The following TRRAP variants were observed in gnomAD, a reference collection of about 807,000 sequenced individuals.
TRRAP encodes the protein transformation/transcription domain-associated protein.
TRRAP carries 41 observed loss-of-function variants against 438.8 expected under a neutral mutation model. The observed-to-expected ratio is 0.09, with a 90% CI of 0.07 to 0.12. The LOEUF (loss-of-function observed/expected upper bound fraction) is 0.12, where lower values mean the gene tolerates loss of function less well. Ranked by LOEUF, TRRAP falls within the 10% of genes least tolerant of loss-of-function variation. TRRAP has a pLI of 1.00. For missense variants in TRRAP, 3,122 were observed against 5,055.1 expected, an observed-to-expected ratio of 0.62 and a Z score of 11.60; for synonymous variants, 1,994 against 1,962.9, an observed-to-expected ratio of 1.02 and a Z score of -0.42.
chr7:98,970,154 A>G lies in TRRAP; in HGVS notation c.7555A>G (p.Ser2519Gly), dbSNP rs747518706. The change falls in exon 52 of 73, where the codon AGC becomes GGC. Residue 2519 changes from serine (S) to glycine (G), a missense_variant. Ser to Gly is a moderately conservative substitution (Grantham distance 56). Around this residue, in one of 24 missense-constraint regions of TRRAP, gnomAD observed 992 missense variants for 1,281.2 expected, o/e 0.77. Transcript: ENST00000456197. ...VCEKSTPIGTSCQGAMLPSIT... is the reference protein window; with the variant it reads ...VCEKSTPIGTGCQGAMLPSIT... The stretch of plus-strand genomic sequence containing the variant: ...TGAGAAGAGCACCCCCATTGGCACC[A>G]GCTGCCAAGGAGCCATGCTCCCGTC... 2.5e-6 allele frequency: 4 copies of G among 1,613,934 alleles called. No individual in the cohort carries two copies. Among genetic ancestry groups the G allele is most frequent in the Non-Finnish European group, 2.5e-6 (3 of 1,179,994 alleles).
chr7:98,977,180 G>T, intron 56 of TRRAP, 104 bp downstream of exon 56: 1 of 1,509,672 alleles, frequency 6.6e-7, no homozygotes, highest in African/African-American at 1.4e-5. Flanking sequence ...CTCTTTTTTT[G>T]AGATGGAGTC....
In TRRAP at chr7:98,910,209, C is replaced by T. The variant is rs782524742; in HGVS notation, c.1504C>T (p.Pro502Ser). 14 of 1,577,274 alleles carry T rather than the reference C, an allele frequency of 8.9e-6. No individual in the cohort carries two copies. The highest frequency in any genetic ancestry group is 2.2e-4 in the Middle Eastern group (1 of 4,482). The change falls in exon 15 of 73, where the codon CCT becomes TCT. Residue 502 changes from proline to serine, a missense_variant. By Grantham distance (74) the Pro-to-Ser change is moderately conservative. Transcript: ENST00000456197. ...TCCTGGCCCTGCTCCCTCCCCAGCC[C>T]CTGTCCCTGCCCCACCTCCACCCCC... ...AAPGPAPSPA[P>S]VPAPPPPPPP...
rs896359573 is a variant in TRRAP, at chr7:99,012,416, T to C, written c.*61T>C. 1.3e-6 allele frequency: 2 copies of C among 1,497,682 alleles called. No homozygotes were observed. Among genetic ancestry groups the C allele is most frequent in the Non-Finnish European group, 1.8e-6 (2 of 1,116,716 alleles). 92.8% of individuals were successfully genotyped at this position (1,497,682 alleles called of 1,614,324 possible). A position where few individuals can be genotyped will look rare whatever the true frequency, so the allele number is the denominator to read the frequency against. Reference sequence around the variant, plus strand: ...GCTCCGGGCTCTGAGCCCGCAGCTTTTACGACTTCTCCCTGCCTCGTTCCT... The same window carrying C: ...GCTCCGGGCTCTGAGCCCGCAGCTTCTACGACTTCTCCCTGCCTCGTTCCT... On this transcript the variant is annotated 3_prime_UTR_variant, in exon 73 of 73. Transcript: ENST00000456197. This position sits in a 1 kb window ranked among gnomAD's most constrained non-coding sequence, Gnocchi z 5.9.
intron 69 of TRRAP, 116 bp from the exon 70 acceptor site, chr7:99,008,261 C>A: frequency 2.8e-6 from 3 of 1,085,184 alleles, no homozygotes; most frequent in Non-Finnish European, 4.1e-6. Flanking sequence ...TCCAGCTAAG[C>A]CCCCAAGGCA....
chr7:99,010,835 G>T (rs1416707110), intron 70 of TRRAP, among the ~76,000 whole-genome samples: 2 of 152,346 alleles, frequency 1.3e-5, no homozygotes, highest in East Asian at 3.9e-4. Flanking sequence ...AGCCGCATTG[G>T]TGCTTTAGAG....
intron 43 of TRRAP, among the ~76,000 whole-genome samples, chr7:98,957,274 C>T (rs934912149): frequency 2.6e-5 from 4 of 152,206 alleles, no homozygotes; most frequent in Non-Finnish European, 4.4e-5. Flanking sequence ...TTCTCTCTTT[C>T]GCTGTTCCTC....
At chr7:98,891,801 G>C (rs1234353616) in intron 4 of TRRAP, among the ~76,000 whole-genome samples, 3 of 151,922 alleles carry the variant, frequency 2.0e-5, no homozygotes, top group African/African-American at 7.3e-5. Context: ...TCCTCCCAAA[G>C]TGCTGGGATT....
rs576496651 is a variant in TRRAP at position 98,908,071 on chromosome 7, C to G, written c.1116-657C>G. 6.6e-6 allele frequency among the ~76,000 whole-genome samples: 1 copy of G among 152,340 alleles called. No homozygotes were observed. Among genetic ancestry groups the G allele is most frequent in the Non-Finnish European group, 1.5e-5 (1 of 68,036 alleles). ...CCCCTTTTTGTCCTTAAGATCTCAA[C>G]TTCAGTGCCACCTCAAAGGAACTGT... On this transcript the variant is annotated intron_variant, in intron 13 of 72. Transcript: ENST00000456197. This position sits in a 1 kb window ranked among gnomAD's most constrained non-coding sequence, Gnocchi z 4.1.
rs1399726105 is a variant in TRRAP, at chr7:98,925,143, G to C, written c.2855G>C (p.Ser952Thr). 1.2e-6 allele frequency: 2 copies of C among 1,614,074 alleles called. No individual in the cohort carries two copies. Among genetic ancestry groups the C allele is most frequent in the African/African-American group, 2.7e-5 (2 of 74,934 alleles). ...GAAACTGCTCTGGACTGCCTGAAAA[G>C]CGCCAACACTGAGCCCTACTACCGG... ...AIETALDCLK[S>T]ANTEPYYRRQ... is the part of the protein sequence containing the mutation. The change falls in exon 22 of 73, where the codon AGC becomes ACC. Residue 952 changes from serine to threonine, a missense_variant. Ser to Thr is a moderately conservative substitution (Grantham distance 58). Transcript: ENST00000456197.
chr7:98,960,789 GTA>G (rs1321109671), intron 45 of TRRAP, among the ~76,000 whole-genome samples: 1 of 132,050 alleles, frequency 7.6e-6, no homozygotes, highest in Non-Finnish European at 1.7e-5. Flanking sequence ...GTGTGTGTGT[GTA>G]TTTTTAGTAG....
chr7:98,989,665 G>A (rs774595585), intron 63 of TRRAP, among the ~76,000 whole-genome samples: 3 of 152,214 alleles, frequency 2.0e-5, no homozygotes, highest in Admixed American at 1.3e-4. Flanking sequence ...ACAGCTACAC[G>A]CACTGCTTCA....
chr7:98,981,352 C>T (rs907103262), intron 58 of TRRAP, among the ~76,000 whole-genome samples: 2 of 152,086 alleles, frequency 1.3e-5, no homozygotes, highest in Admixed American at 6.6e-5. Flanking sequence ...CAGTGAGCCA[C>T]GATCACACCA....
chr7:99,006,429 A>G (rs1362832148), intron 69 of TRRAP, among the ~76,000 whole-genome samples: 1 of 152,202 alleles, frequency 6.6e-6, no homozygotes, highest in African/African-American at 2.4e-5. Context: ...TTTAACATGT[A>G]TATAACATGA....
At position 98,955,184 on chromosome 7, in the gene TRRAP, G is replaced by A. The variant is rs202018416; in HGVS notation, c.5817G>A (p.Pro1939=). 6.2e-6 allele frequency: 10 copies of A among 1,614,214 alleles called. No individual in the cohort carries two copies. The East Asian group carries it at 1.3e-4, about 22-fold the overall frequency. ...QAMAILTPAV[P]ARMEDGHQML... is the part of the protein sequence containing the mutation. ...TGGCCATTCTGACCCCGGCGGTGCC[G>A]GCCAGGATGGAGGACGGGCACCAGA... Residue 1939 remains proline (P), a synonymous_variant, in exon 41 of 73, where the codon CCG becomes CCA. Coordinates refer to ENST00000456197, the MANE Select transcript of TRRAP (RefSeq NM_001375524.1).
rs78504803 is a variant in TRRAP at position 99,011,433 on chromosome 7, C to G, written c.11235C>G (p.Leu3745=). ...CCAACCGTCCTGTCCCATTTCGACT[C>G]ACGCCCAACATTTCTGAGTTTCTGA... ...LDANRPVPFR[L]TPNISEFLTT... is the part of the protein sequence containing the mutation. Residue 3745 remains leucine (L), a synonymous_variant, in exon 72 of 73, where the codon CTC becomes CTG. Coordinates refer to ENST00000456197, the MANE Select transcript of TRRAP (RefSeq NM_001375524.1). This position sits in a 1 kb window ranked among gnomAD's most constrained non-coding sequence, Gnocchi z 7.1. The G allele has an allele frequency of 1.3e-3, 2,111 of 1,614,236 alleles. 20 individuals are homozygous for G. The African/African-American group carries it at 0.021, about 16-fold the overall frequency.
chr7:98,950,853 CTTT>C lies in TRRAP; in HGVS notation c.5335-22_5335-20del, dbSNP rs782106045. On this transcript the variant is annotated intron_variant, in intron 38 of 72. Coordinates refer to ENST00000456197, the MANE Select transcript of TRRAP (RefSeq NM_001375524.1). ...ACAGCATGGCTTTGTTTTTCTCCTT[CTTT>C]ATTTAAATTTTTTTTGTAGGTTCTG... is the stretch of plus-strand genomic sequence containing the variant. 3.0e-5 allele frequency: 45 copies of C among 1,506,034 alleles called. No homozygotes were observed. The East Asian group carries it at 1.1e-3, about 36-fold the overall frequency. The allele number at this position is 1,506,034 out of a possible 1,614,324, so 93.3% of individuals were successfully genotyped here.
chr7:98,968,659 G>T (rs551238611), intron 51 of TRRAP, among the ~76,000 whole-genome samples: 89 of 152,286 alleles, frequency 5.8e-4, no homozygotes, highest in Non-Finnish European at 1.0e-3. Context: ...AGGTCACCAC[G>T]TACTATGTCT....
chr7:98,974,690 G>GA (rs1416132458), intron 53 of TRRAP, among the ~76,000 whole-genome samples: 1 of 152,024 alleles, frequency 6.6e-6, no homozygotes, highest in African/African-American at 2.4e-5. Flanking sequence ...TATAATGCTG[G>GA]AAAAAAACAA....
chr7:98,892,125 A>G lies in TRRAP; in HGVS notation c.262-299A>G, dbSNP rs552865941. 8.2e-4 allele frequency among the ~76,000 whole-genome samples: 125 copies of G among 152,330 alleles called. 1 individual carries two copies. Among genetic ancestry groups the G allele is most frequent in the African/African-American group, 2.9e-3 (120 of 41,572 alleles). On this transcript the variant is annotated intron_variant, in intron 4 of 72. Transcript: ENST00000456197. ...GCTCTTTTTATCTTCAATGAACTCC[A>G]TGTTCGTACACCAGTGTCCGTTGGA...
Sources: allele counts gnomAD v4.1 joint callset (sites outside exome capture counted in the v4.1 genomes callset), GRCh38; gene constraint gnomAD v4.1.1; regional missense constraint gnomAD v4.1.1; non-coding constraint Gnocchi (gnomAD v3.1); transcripts MANE v1.5; gene names NCBI Gene and HGNC (gene_info 2026-07-23, HGNC 2026-07-21).